The following DROSHA variants were observed in gnomAD, a reference collection of about 807,000 sequenced individuals.
DROSHA encodes drosha ribonuclease III, also known as ribonuclease 3.
In DROSHA, 56 loss-of-function variants were observed where a neutral mutation model predicts 181.9. That is an observed-to-expected ratio of 0.31 (90% CI 0.25 to 0.38). The LOEUF is 0.38. Ranked by LOEUF, DROSHA falls within the 10% of genes least tolerant of loss-of-function variation. The probability of loss-of-function intolerance (pLI) is 1.00; values close to 1 mark genes in which losing one functional copy is unlikely to be tolerated. For missense variants in DROSHA, 1,218 were observed against 1,743.5 expected (o/e 0.70, Z 5.37); for synonymous variants, 524 against 591.2 (o/e 0.89, Z 1.65).
At chr5:31,494,385 T>G (rs1752731554) in intron 12 of DROSHA, among the ~76,000 whole-genome samples, 2 of 152,178 alleles carry the variant, frequency 1.3e-5, no homozygotes, top group Non-Finnish European at 2.9e-5. Flanking sequence ...TAAGAACAAC[T>G]TGGAAAGAGG....
intron 23 of DROSHA, among the ~76,000 whole-genome samples, chr5:31,439,475 CT>C (rs1454134323): frequency 6.6e-6 from 1 of 152,088 alleles, no homozygotes; most frequent in African/African-American, 2.4e-5. Flanking sequence ...TATTTATTTA[CT>C]TTTTACTTTT....
intron 24 of DROSHA, 28 bp from the exon 25 acceptor site, chr5:31,435,892 T>A: frequency 6.3e-7 from 1 of 1,595,612 alleles, no homozygotes; most frequent in Non-Finnish European, 8.6e-7. Flanking sequence ...AGTACATGAA[T>A]AAATATGCAT....
chr5:31,494,633 A>G (rs892899763), intron 12 of DROSHA, among the ~76,000 whole-genome samples: 25 of 152,064 alleles, frequency 1.6e-4, no homozygotes, highest in Admixed American at 6.5e-5. Context: ...AAAAAGAAAA[A>G]AATAATGAGC....
At chr5:31,484,470 T>A (rs1233725056) in intron 15 of DROSHA, among the ~76,000 whole-genome samples, 1 of 126,458 alleles carries the variant, frequency 7.9e-6, no homozygotes, top group Non-Finnish European at 1.6e-5. Flanking sequence ...AGTCTTTGAA[T>A]CTATCTAGTT....
intron 35 of DROSHA, among the ~76,000 whole-genome samples, chr5:31,404,582 T>C (rs1218802541): frequency 6.6e-6 from 1 of 152,174 alleles, no homozygotes; most frequent in Non-Finnish European, 1.5e-5. Flanking sequence ...TGAAGCATAA[T>C]AGAATTGCAC....
intron 16 of DROSHA, among the ~76,000 whole-genome samples, chr5:31,474,817 A>G (rs1750174587): frequency 6.6e-6 from 1 of 152,190 alleles, no homozygotes; most frequent in Non-Finnish European, 1.5e-5. Flanking sequence ...CCACCAGGTG[A>G]GGATATAAGA....
chr5:31,517,706 A>G (rs1473381435), intron 6 of DROSHA, among the ~76,000 whole-genome samples: 1 of 152,032 alleles, frequency 6.6e-6, no homozygotes, highest in Non-Finnish European at 1.5e-5. Flanking sequence ...TTGCATTACT[A>G]TTTTTCTTCA....
chr5:31,401,787 T>G (rs563859310), intron 35 of DROSHA, among the ~76,000 whole-genome samples: 47 of 152,216 alleles, frequency 3.1e-4, no homozygotes, highest in African/African-American at 1.0e-3. Context: ...TAAATTTCAG[T>G]ATCTGATGTG....
chr5:31,495,213 A>G (rs1752833642), intron 12 of DROSHA, 73 bp downstream of exon 12: 5 of 1,452,374 alleles, frequency 3.4e-6, no homozygotes, highest in East Asian at 2.4e-5. Context: ...AACAGAATCA[A>G]TAACTTTAGC....
At chr5:31,483,312 G>C (rs183117460) in intron 16 of DROSHA, among the ~76,000 whole-genome samples, 1 of 152,138 alleles carries the variant, frequency 6.6e-6, no homozygotes, top group East Asian at 1.9e-4. Flanking sequence ...ATGATATTTT[G>C]TCAAGTAGAT....
intron 24 of DROSHA, among the ~76,000 whole-genome samples, chr5:31,436,191 C>A (rs1744761440): frequency 6.6e-6 from 1 of 152,128 alleles, no homozygotes. Context: ...GGGAGTGAAA[C>A]AAATGCTTTT....
intron 16 of DROSHA, among the ~76,000 whole-genome samples, chr5:31,479,241 T>C (rs1750742756): frequency 6.6e-6 from 1 of 152,228 alleles, no homozygotes. Context: ...ATTTACAGCA[T>C]TTACCCATTT....
At chr5:31,512,978 G>A (rs1192915305) in intron 8 of DROSHA, among the ~76,000 whole-genome samples, 5 of 152,220 alleles carry the variant, frequency 3.3e-5, no homozygotes, top group African/African-American at 9.7e-5. Flanking sequence ...TGGAGCCAGT[G>A]AGGCCCATGC....
chr5:31,401,204 C>A lies in DROSHA; in HGVS notation c.*228G>T. 2.1e-6 allele frequency: 1 copy of A among 485,558 alleles called. No homozygotes were observed. Among genetic ancestry groups the A allele is most frequent in the South Asian group, 2.1e-5 (1 of 48,292 alleles). 30.1% of individuals were successfully genotyped at this position (485,558 alleles called of 1,614,324 possible). A position where few individuals can be genotyped will look rare whatever the true frequency, so the allele number is the denominator to read the frequency against. On this transcript the variant is annotated 3_prime_UTR_variant, in exon 36 of 36. Transcript: ENST00000344624. ...GAGCAAAATAAAAGGAAGTAATGCA[C>A]ATTCACCAAAGTCAAGTTTTCCGTT...
rs148573127 is a variant in DROSHA, at chr5:31,512,280, C to A, written c.1291-1104G>T. Reference sequence around the variant, plus strand: ...TTCTCACCACCTTCTCTGCACCACACAGACGACAAAACTCAAAGGCAAATG... The same window carrying A: ...TTCTCACCACCTTCTCTGCACCACAAAGACGACAAAACTCAAAGGCAAATG... On this transcript the variant is annotated intron_variant, in intron 8 of 35. Coordinates refer to ENST00000344624, the MANE Select transcript of DROSHA (RefSeq NM_001382508.1). Among the ~76,000 whole-genome samples, 585 of 152,334 alleles carry A rather than the reference C, an allele frequency of 3.8e-3. 3 individuals carry two copies. The highest frequency in any genetic ancestry group is 0.013 in the African/African-American group (561 of 41,584).
intron 17 of DROSHA, among the ~76,000 whole-genome samples, chr5:31,468,406 G>A (rs957754231): frequency 6.6e-6 from 1 of 152,158 alleles, no homozygotes; most frequent in African/African-American, 2.4e-5. Flanking sequence ...CCACATCACA[G>A]GCAGAGCCTC....
At chr5:31,493,552 T>C (rs1752630431) in intron 12 of DROSHA, among the ~76,000 whole-genome samples, 2 of 152,242 alleles carry the variant, frequency 1.3e-5, no homozygotes, top group Admixed American at 6.5e-5. Context: ...AGCTTCATTT[T>C]CTGGGAACTT....
At chr5:31,433,676 C>A (rs1262028408) in intron 25 of DROSHA, among the ~76,000 whole-genome samples, 1 of 152,110 alleles carries the variant, frequency 6.6e-6, no homozygotes, top group Non-Finnish European at 1.5e-5. Context: ...TCCCGAGTAG[C>A]CGGGACTACA....
At chr5:31,427,285 A>T (rs1201809565) in intron 27 of DROSHA, among the ~76,000 whole-genome samples, 1 of 152,220 alleles carries the variant, frequency 6.6e-6, no homozygotes, top group South Asian at 2.1e-4. Flanking sequence ...TAAGCGGGCC[A>T]TTAACATAAT....
Sources: allele counts gnomAD v4.1 joint callset (sites outside exome capture counted in the v4.1 genomes callset), GRCh38; gene constraint gnomAD v4.1.1; transcripts MANE v1.5; gene names NCBI Gene and HGNC (gene_info 2026-07-23, HGNC 2026-07-21).